Variants in MTA3 observed in about 807,000 individuals in gnomAD.
The protein encoded by MTA3 is metastasis associated 1 family member 3, also known as metastasis-associated protein MTA3.
Under a neutral mutation model 83.5 loss-of-function variants are expected in MTA3, and 34 were observed. The observed-to-expected ratio is 0.41, with a 90% CI of 0.31 to 0.54. MTA3 has a LOEUF of 0.54. Ranked by LOEUF, MTA3 falls within the 20% of genes least tolerant of loss-of-function variation. MTA3 has a pLI of 0.33. For missense variants in MTA3, 761 were observed against 726.4 expected (o/e 1.05, Z -0.55); for synonymous variants, 303 against 252.7 (o/e 1.20, Z -1.89).
Position 42,598,357 on chromosome 2 carries a change from G to T in MTA3, c.191-11101G>T, listed in dbSNP as rs549541433. ...TGGGATTACAGGCGTGAGCCACCGC[G>T]CCTGGCCTTCACTACTTCTATTTCT... On this transcript the variant is annotated intron_variant, in intron 3 of 16. Coordinates refer to ENST00000405094, the MANE Select transcript of MTA3 (RefSeq NM_001330442.2). Among the ~76,000 whole-genome samples the T allele has an allele frequency of 2.6e-5, 4 of 152,300 alleles. No individual in the cohort carries two copies. In the East Asian group the frequency reaches 7.7e-4, roughly 29 times the overall value.
At chr2:42,699,813 T>C (rs1693706116) in intron 11 of MTA3, among the ~76,000 whole-genome samples, 1 of 152,114 alleles carries the variant, frequency 6.6e-6, no homozygotes, top group Non-Finnish European at 1.5e-5. Flanking sequence ...TTAAACTCAG[T>C]GTGGGAAGGT....
intron 2 of MTA3, among the ~76,000 whole-genome samples, chr2:42,556,848 T>C (rs2103789988): frequency 6.6e-6 from 1 of 152,260 alleles, no homozygotes; most frequent in East Asian, 1.9e-4. Flanking sequence ...TGGGGAGACT[T>C]CAGGGCCCGT....
intron 2 of MTA3, among the ~76,000 whole-genome samples, chr2:42,530,106 A>C (rs1228098385): frequency 6.6e-6 from 1 of 151,486 alleles, no homozygotes; most frequent in Admixed American, 6.6e-5. Context: ...AATAGCTTGA[A>C]ACCGGAGGGC....
intron 2 of MTA3, among the ~76,000 whole-genome samples, chr2:42,552,463 A>G (rs1373172156): frequency 1.3e-5 from 2 of 151,862 alleles, no homozygotes; most frequent in Non-Finnish European, 2.9e-5. Context: ...TTAAAACTAG[A>G]CTCCTAGCCC....
At chr2:42,579,068 T>C (rs1679338989) in intron 2 of MTA3, 39 bp from the exon 3 acceptor site, 1 of 1,360,986 alleles carries the variant, frequency 7.3e-7, no homozygotes, top group Non-Finnish European at 1.0e-6. Flanking sequence ...TTGACTCTAA[T>C]ATTCAGTGCA....
At chr2:42,744,022 G>A (rs1055118195) in intron 16 of MTA3, among the ~76,000 whole-genome samples, 1 of 152,196 alleles carries the variant, frequency 6.6e-6, no homozygotes, top group Non-Finnish European at 1.5e-5. Flanking sequence ...TTGTCTCAAA[G>A]GGTAGTGTCA....
chr2:42,575,630 C>G (rs1678955828), intron 2 of MTA3, among the ~76,000 whole-genome samples: 1 of 152,136 alleles, frequency 6.6e-6, no homozygotes, highest in Non-Finnish European at 1.5e-5. Flanking sequence ...AAAATTGTAG[C>G]TGTGCTAAGT....
At chr2:42,618,872 A>G (rs1046487046) in intron 4 of MTA3, among the ~76,000 whole-genome samples, 1 of 152,056 alleles carries the variant, frequency 6.6e-6, no homozygotes, top group Non-Finnish European at 1.5e-5. Flanking sequence ...CGGCCTCCCA[A>G]AGTATTGGGA....
chr2:42,556,092 C>CAA (rs112915635), intron 2 of MTA3, among the ~76,000 whole-genome samples: 2 of 134,644 alleles, frequency 1.5e-5, no homozygotes, highest in Non-Finnish European at 3.3e-5. Flanking sequence ...AGCAAACAAA[C>CAA]AAAAAAAAAA....
At chr2:42,514,103 C>T (rs759901040) in intron 2 of MTA3, among the ~76,000 whole-genome samples, 9 of 152,102 alleles carry the variant, frequency 5.9e-5, no homozygotes, top group Non-Finnish European at 1.3e-4. Context: ...GTCCCACCTA[C>T]TTGGGAGGCT....
intron 16 of MTA3, among the ~76,000 whole-genome samples, chr2:42,744,353 C>G (rs1669253393): frequency 6.6e-6 from 1 of 152,186 alleles, no homozygotes; most frequent in South Asian, 2.1e-4. Flanking sequence ...CCAGAGAGTA[C>G]TTCTATCATG....
intron 16 of MTA3, among the ~76,000 whole-genome samples, chr2:42,728,457 C>G (rs116199793): frequency 9.8e-4 from 149 of 152,288 alleles, no homozygotes; most frequent in African/African-American, 3.4e-3. Flanking sequence ...TATATAACAG[C>G]AGGATTGCTG....
intron 2 of MTA3, among the ~76,000 whole-genome samples, chr2:42,541,735 T>C (rs969151536): frequency 1.3e-5 from 2 of 152,218 alleles, no homozygotes; most frequent in Non-Finnish European, 2.9e-5. Flanking sequence ...TAGCAATTGA[T>C]TAGGTTATAG....
chr2:42,593,676 C>T (rs1573120912), intron 3 of MTA3, among the ~76,000 whole-genome samples: 1 of 147,186 alleles, frequency 6.8e-6, no homozygotes, highest in South Asian at 2.2e-4. Flanking sequence ...AGGACTATGG[C>T]ATCTATCTTT....
chr2:42,660,807 T>C (rs1409983435), intron 8 of MTA3, among the ~76,000 whole-genome samples: 1 of 152,228 alleles, frequency 6.6e-6, no homozygotes, highest in Non-Finnish European at 1.5e-5. Context: ...TCATAAAATA[T>C]TTATTTTGAT....
intron 4 of MTA3, among the ~76,000 whole-genome samples, chr2:42,621,967 G>C (rs1470781345): frequency 6.6e-6 from 1 of 152,120 alleles, no homozygotes; most frequent in East Asian, 1.9e-4. Context: ...ACGATGGGCG[G>C]CCAGGCAGAG....
intron 6 of MTA3, among the ~76,000 whole-genome samples, chr2:42,655,240 A>G (rs1173903065): frequency 6.6e-6 from 1 of 152,246 alleles, no homozygotes; most frequent in Admixed American, 6.5e-5. Flanking sequence ...AGTCTCTTCG[A>G]AAAACATCTA....
At chr2:42,585,835 G>A in intron 3 of MTA3, among the ~76,000 whole-genome samples, 1 of 152,064 alleles carries the variant, frequency 6.6e-6, no homozygotes, top group East Asian at 1.9e-4. Context: ...CTACAAAGGA[G>A]GGTGAGATAG....
intron 3 of MTA3, among the ~76,000 whole-genome samples, chr2:42,605,906 T>A (rs1466171311): frequency 2.6e-4 from 19 of 72,992 alleles, no homozygotes; most frequent in East Asian, 5.1e-4. Context: ...CACTTCCCAG[T>A]AGGGGCGGCC....
Sources: gnomAD v4.1 joint callset for allele counts (sites outside exome capture counted in the v4.1 genomes callset) on GRCh38, gnomAD v4.1.1 for gene constraint, MANE v1.5 for transcripts, NCBI Gene and HGNC (gene_info 2026-07-23, HGNC 2026-07-21) for gene names.